The following MAPK10 variants were observed in gnomAD, a reference collection of about 807,000 sequenced individuals.
The protein encoded by MAPK10 is mitogen-activated protein kinase 10.
Under a neutral mutation model 59.3 loss-of-function variants are expected in MAPK10, and 25 were observed. That is an observed-to-expected ratio of 0.42 (90% CI 0.31 to 0.59). MAPK10 has a LOEUF of 0.59. Among genes scored for constraint, MAPK10 ranks in the 20% least tolerant of loss-of-function variants. The pLI is 0.15. For synonymous variants in MAPK10, 190 were observed against 200.5 expected, an observed-to-expected ratio of 0.95 and a Z score of 0.44; for missense variants, 351 against 568.9, an observed-to-expected ratio of 0.62 and a Z score of 3.90.
chr4:86,286,804 A>G (rs958837019), intron 2 of MAPK10, among the ~76,000 whole-genome samples: 2 of 152,144 alleles, frequency 1.3e-5, no homozygotes, highest in Non-Finnish European at 2.9e-5. Context: ...CTCCCCACCT[A>G]ATAGTAGCCT....
chr4:86,399,565 C>A (rs148648191), intron 1 of MAPK10, among the ~76,000 whole-genome samples: 2 of 152,196 alleles, frequency 1.3e-5, no homozygotes, highest in East Asian at 3.9e-4. Context: ...CAGAAGCTGT[C>A]TACTTTTATA....
chr4:86,381,240 C>T (rs1740662451), intron 1 of MAPK10, among the ~76,000 whole-genome samples: 2 of 152,118 alleles, frequency 1.3e-5, no homozygotes, highest in South Asian at 4.1e-4. Context: ...TGCATGCCTC[C>T]CCTTCACTAC....
At chr4:86,332,688 A>G (rs2096182253) in intron 2 of MAPK10, 1 of 152,168 alleles carries the variant, frequency 6.6e-6, no homozygotes, top group African/African-American at 2.4e-5. Context: ...GAGCTTTTTA[A>G]TAATTTGGAG....
In MAPK10 at chr4:86,237,861, T is replaced by G. The variant is rs1214577292; in HGVS notation, c.-6-43454A>C. 4.6e-5 allele frequency among the ~76,000 whole-genome samples: 7 copies of G among 152,208 alleles called. No individual in the cohort carries two copies. The East Asian group carries it at 1.3e-3, about 29-fold the overall frequency. Reference sequence around the variant, plus strand: ...CTCTTTAGTTCAACTAGATCTCATTTGTTAATTTTTGCTTTTGTTGCAATT... The same window carrying G: ...CTCTTTAGTTCAACTAGATCTCATTGGTTAATTTTTGCTTTTGTTGCAATT... On this transcript the variant is annotated intron_variant, in intron 2 of 13. Transcript: ENST00000641462.
At chr4:86,554,336 C>G (rs773498921) in intron 1 of MAPK10, among the ~76,000 whole-genome samples, 7 of 152,150 alleles carry the variant, frequency 4.6e-5, no homozygotes, top group Non-Finnish European at 7.4e-5. Context: ...AACCTATCTT[C>G]AAGTTCCAGA....
At chr4:86,438,148 TA>T (rs1748985343) in intron 1 of MAPK10, among the ~76,000 whole-genome samples, 1 of 152,216 alleles carries the variant, frequency 6.6e-6, no homozygotes, top group Non-Finnish European at 1.5e-5. Context: ...TTACTACTAA[TA>T]TTCTAATTCT....
chr4:86,542,687 A>G (rs990557065), intron 1 of MAPK10: 5 of 154,404 alleles, frequency 3.2e-5, no homozygotes, highest in African/African-American at 1.2e-4. Flanking sequence ...CCAACTGTCA[A>G]CATTTCTCAG....
At chr4:86,328,127 A>T (rs796792518) in intron 2 of MAPK10, among the ~76,000 whole-genome samples, 5 of 152,262 alleles carry the variant, frequency 3.3e-5, no homozygotes, top group African/African-American at 1.2e-4. Context: ...AAGCCCTTAT[A>T]AAACAGGCTT....
chr4:86,296,233 T>C (rs1038295199), intron 2 of MAPK10, among the ~76,000 whole-genome samples: 9 of 152,094 alleles, frequency 5.9e-5, no homozygotes, highest in African/African-American at 2.2e-4. Flanking sequence ...TTTTTTGTTT[T>C]GTTTTTTCTT....
intron 1 of MAPK10, among the ~76,000 whole-genome samples, chr4:86,493,935 G>T (rs139215625): frequency 0.013 from 1,956 of 152,142 alleles, 11 homozygotes; most frequent in African/African-American, 0.015. Context: ...TTTCCACTGG[G>T]AATATTAAAG....
chr4:86,178,127 C>T (rs568037067), intron 3 of MAPK10, among the ~76,000 whole-genome samples: 8 of 152,200 alleles, frequency 5.3e-5, no homozygotes, highest in Admixed American at 2.6e-4. Context: ...ACCTTAAATA[C>T]CACCACAATA....
chr4:86,442,664 T>G (rs1749544251), intron 1 of MAPK10, among the ~76,000 whole-genome samples: 1 of 152,188 alleles, frequency 6.6e-6, no homozygotes, highest in African/African-American at 2.4e-5. Context: ...ATAGTATTGT[T>G]GTGTATCATT....
intron 4 of MAPK10, among the ~76,000 whole-genome samples, chr4:86,127,423 T>G (rs963411693): frequency 6.6e-6 from 1 of 152,048 alleles, no homozygotes; most frequent in Non-Finnish European, 1.5e-5. Flanking sequence ...TCTATGAACA[T>G]GACTCAAATA....
At chr4:86,427,455 A>T (rs932530347) in intron 1 of MAPK10, among the ~76,000 whole-genome samples, 2 of 151,880 alleles carry the variant, frequency 1.3e-5, no homozygotes, top group African/African-American at 4.8e-5. Flanking sequence ...ATCTCCCTCA[A>T]TCAAAAGGAT....
At chr4:86,358,338 T>C in intron 1 of MAPK10, 1 of 985,424 alleles carries the variant, frequency 1.0e-6, no homozygotes, top group Non-Finnish European at 1.2e-6. Flanking sequence ...TAGAAGGAGA[T>C]ATTGGATGTT....
chr4:86,353,058 A>G (rs991344347), intron 2 of MAPK10, among the ~76,000 whole-genome samples: 3 of 152,108 alleles, frequency 2.0e-5, no homozygotes, highest in Admixed American at 6.6e-5. Flanking sequence ...TCCTCTGGCT[A>G]TCCTTTCACT....
rs142922971 is a variant in MAPK10, at chr4:86,146,958, G to A, written c.236+12340C>T. ...TTCAACTTTATATCACTATGACATAGCCCAGTGTCTAATATGAGTCAGTAA... is the reference window on the plus strand; with the variant it reads ...TTCAACTTTATATCACTATGACATAACCCAGTGTCTAATATGAGTCAGTAA... On this transcript the variant is annotated intron_variant, in intron 4 of 13. Transcript: ENST00000641462. 2.7e-3 allele frequency among the ~76,000 whole-genome samples: 405 copies of A among 152,262 alleles called. 3 individuals carry two copies. The highest frequency in any genetic ancestry group is 0.014 in the Middle Eastern group (4 of 294).
chr4:86,267,025 T>C (rs1312148340), intron 2 of MAPK10, among the ~76,000 whole-genome samples: 1 of 152,176 alleles, frequency 6.6e-6, no homozygotes, highest in East Asian at 1.9e-4. Context: ...CCAAGCTGTA[T>C]GAATCATTTT....
At chr4:86,339,696 G>A (rs1723741611) in intron 2 of MAPK10, among the ~76,000 whole-genome samples, 1 of 152,134 alleles carries the variant, frequency 6.6e-6, no homozygotes, top group South Asian at 2.1e-4. Flanking sequence ...GTAAAGTAGG[G>A]ATAACAATGG....
Sources: gnomAD v4.1 joint callset for allele counts (sites outside exome capture counted in the v4.1 genomes callset) on GRCh38, gnomAD v4.1.1 for gene constraint, MANE v1.5 for transcripts, NCBI Gene and HGNC (gene_info 2026-07-23, HGNC 2026-07-21) for gene names.